Variants in FIG4 observed in about 807,000 individuals in gnomAD.
The protein encoded by FIG4 is polyphosphoinositide phosphatase.
A neutral mutation model predicts 118.6 loss-of-function variants in FIG4; 112 were observed. That is an observed-to-expected ratio of 0.94 (90% CI 0.81 to 1.11). The LOEUF is 1.11. Ranked by LOEUF, FIG4 falls within the 50% of genes least tolerant of loss-of-function variation. The pLI is 0.00. For missense variants in FIG4, 969 were observed against 1,111.7 expected (o/e 0.87, Z 1.83); for synonymous variants, 369 against 381.2 (o/e 0.97, Z 0.37).
intron 10 of FIG4, among the ~76,000 whole-genome samples, chr6:109,751,873 A>G (rs1776714226): frequency 6.8e-6 from 1 of 146,796 alleles, no homozygotes; most frequent in Non-Finnish European, 1.5e-5. Flanking sequence ...GTTTTAGGGT[A>G]CGTGTGCACA....
chr6:109,815,050 A>G (rs1300169823), intron 22 of FIG4, among the ~76,000 whole-genome samples: 1 of 151,956 alleles, frequency 6.6e-6, no homozygotes, highest in African/African-American at 2.4e-5. Flanking sequence ...ATATAGCTAA[A>G]TATATATTTA....
intron 1 of FIG4, among the ~76,000 whole-genome samples, chr6:109,697,013 A>G (rs1009236161): frequency 5.9e-5 from 9 of 152,228 alleles, no homozygotes; most frequent in South Asian, 2.1e-4. Flanking sequence ...CATATGTACA[A>G]TTATTACATG....
At chr6:109,766,231 C>T (rs1026759741) in intron 14 of FIG4, among the ~76,000 whole-genome samples, 1 of 152,184 alleles carries the variant, frequency 6.6e-6, no homozygotes, top group African/African-American at 2.4e-5. Context: ...CCTCACCAGA[C>T]ACTACATCTA....
At chr6:109,778,331 A>G (rs978437200) in intron 16 of FIG4, among the ~76,000 whole-genome samples, 5 of 151,562 alleles carry the variant, frequency 3.3e-5, no homozygotes, top group Non-Finnish European at 7.4e-5. Context: ...ATAGCTGGGC[A>G]TGGTGGTACG....
At chr6:109,752,059 G>A (rs1266662391) in intron 10 of FIG4, among the ~76,000 whole-genome samples, 2 of 136,866 alleles carry the variant, frequency 1.5e-5, no homozygotes, top group Non-Finnish European at 3.0e-5. Context: ...TCATTGTTCA[G>A]TTCCCACCTA....
chr6:109,790,730 G>A (rs1160107455), intron 19 of FIG4, among the ~76,000 whole-genome samples: 4 of 152,044 alleles, frequency 2.6e-5, no homozygotes, highest in Non-Finnish European at 5.9e-5. Context: ...ATGGTTTTCT[G>A]AATTTAAAAA....
chr6:109,770,919 A>T (rs1408172136), intron 15 of FIG4, among the ~76,000 whole-genome samples: 1 of 152,202 alleles, frequency 6.6e-6, no homozygotes, highest in Admixed American at 6.5e-5. Flanking sequence ...GATGGTGCTG[A>T]GGTGGCTTCA....
chr6:109,737,837 C>T (rs79652026), intron 6 of FIG4, among the ~76,000 whole-genome samples: 2,239 of 152,172 alleles, frequency 0.015, 57 homozygotes, highest in African/African-American at 0.052. Flanking sequence ...TAATTCATTT[C>T]GTCCTTAAAA....
chr6:109,792,564 T>C lies in FIG4; in HGVS notation c.2377-18T>C, dbSNP rs560214203. On this transcript the variant is annotated intron_variant, in intron 20 of 22. Transcript: ENST00000230124. ...TAAAAATTCTTCCTGGTTCTTCTTT[T>C]TTTTTTTTAAACCCCAGAATGTGGT... is the stretch of plus-strand genomic sequence containing the variant. 1.4e-4 allele frequency: 204 copies of C among 1,499,114 alleles called. No individual in the cohort carries two copies. The African/African-American group carries it at 1.8e-3, about 13-fold the overall frequency. 92.9% of individuals were successfully genotyped at this position (1,499,114 alleles called of 1,614,324 possible).
At chr6:109,808,844 T>C (rs967395226) in intron 22 of FIG4, among the ~76,000 whole-genome samples, 5 of 152,206 alleles carry the variant, frequency 3.3e-5, no homozygotes, top group African/African-American at 1.2e-4. Flanking sequence ...ATACTTAAGA[T>C]TGTTTTATGA....
At chr6:109,695,562 G>A (rs555149863) in intron 1 of FIG4, among the ~76,000 whole-genome samples, 13 of 146,134 alleles carry the variant, frequency 8.9e-5, no homozygotes, top group East Asian at 6.7e-4. Context: ...GAAAGTCAAC[G>A]AGCAAAATGC....
intron 16 of FIG4, among the ~76,000 whole-genome samples, chr6:109,778,080 A>G (rs1050071214): frequency 2.6e-5 from 4 of 152,106 alleles, no homozygotes; most frequent in African/African-American, 9.7e-5. Flanking sequence ...AGCCTAGTCC[A>G]TTGCACTCAA....
chr6:109,824,523 G>C (rs189807182), intron 22 of FIG4, among the ~76,000 whole-genome samples: 3 of 152,138 alleles, frequency 2.0e-5, no homozygotes, highest in African/African-American at 7.2e-5. Flanking sequence ...TCAGAATTGC[G>C]GTAAGAAATT....
At position 109,821,631 on chromosome 6, in the gene FIG4, G is replaced by A. The variant is rs899392841; in HGVS notation, c.2547-3457G>A. Reference sequence around the variant, plus strand: ...ACTGGATCTAGGCATTGGCCTCAGTGACTGTTAACATAAAAAAGATAAGCA... The same window carrying A: ...ACTGGATCTAGGCATTGGCCTCAGTAACTGTTAACATAAAAAAGATAAGCA... On this transcript the variant is annotated intron_variant, in intron 22 of 22. Coordinates refer to ENST00000230124, the MANE Select transcript of FIG4 (RefSeq NM_014845.6). Among the ~76,000 whole-genome samples, 16 of 152,244 alleles carry A rather than the reference G, an allele frequency of 1.1e-4. No individual in the cohort carries two copies. In the Middle Eastern group the frequency reaches 0.017, roughly 162 times the overall value.
In FIG4 at chr6:109,744,843, A is replaced by G. The variant is rs536776691; in HGVS notation, c.1137+1071A>G. 1.9e-3 allele frequency among the ~76,000 whole-genome samples: 230 copies of G among 122,260 alleles called. 1 individual carries two copies. The highest frequency in any genetic ancestry group is 1.6e-3 in the Non-Finnish European group (98 of 62,028). 80.2% of individuals were successfully genotyped at this position (122,260 alleles called of 152,430 possible). On this transcript the variant is annotated intron_variant, in intron 10 of 22. Transcript: ENST00000230124. ...GTGTGATGTTCCCGTCCTTGTGTCC[A>G]TGTGTTCTCATTGTTCAGTTCCCAC... is the stretch of plus-strand genomic sequence containing the variant.
intron 2 of FIG4, 107 bp from the exon 3 acceptor site, chr6:109,716,338 T>G: frequency 4.4e-6 from 5 of 1,131,138 alleles, no homozygotes; most frequent in African/African-American, 1.5e-5. Flanking sequence ...TACTTCTGTA[T>G]GAAATAGCTG....
At chr6:109,808,822 C>T (rs537827908) in intron 22 of FIG4, among the ~76,000 whole-genome samples, 33 of 152,172 alleles carry the variant, frequency 2.2e-4, no homozygotes, top group Admixed American at 2.1e-3. Context: ...CGTATATCTA[C>T]CACCGTGAAC....
At chr6:109,754,679 G>T (rs1242492896) in intron 10 of FIG4, among the ~76,000 whole-genome samples, 1 of 151,976 alleles carries the variant, frequency 6.6e-6, no homozygotes, top group East Asian at 1.9e-4. Context: ...GAGGGTGTAT[G>T]TGTCGAGGAA....
intron 1 of FIG4, among the ~76,000 whole-genome samples, chr6:109,705,512 A>G (rs937181930): frequency 5.3e-5 from 8 of 151,764 alleles, no homozygotes; most frequent in Admixed American, 4.6e-4. Context: ...AGTGCTTCCC[A>G]TTTCTTTCCC....
Sources: gnomAD v4.1 joint callset for allele counts (sites outside exome capture counted in the v4.1 genomes callset) on GRCh38, gnomAD v4.1.1 for gene constraint, MANE v1.5 for transcripts, NCBI Gene and HGNC (gene_info 2026-07-23, HGNC 2026-07-21) for gene names.